FAM135A: variants seen among roughly 807,000 people sequenced by gnomAD.
FAM135A encodes family with sequence similarity 135 member A, also known as protein FAM135A.
A neutral mutation model predicts 146.8 loss-of-function variants in FAM135A; 79 were observed. The ratio of observed to expected loss-of-function variants is 0.54; its 90% CI spans 0.45 to 0.65. The LOEUF is 0.65. FAM135A is among the 30% of genes least tolerant of loss of function. The pLI, the probability that FAM135A is intolerant of heterozygous loss-of-function variation, is 0.00. For missense variants in FAM135A, 1,623 were observed against 1,758.2 expected, an observed-to-expected ratio of 0.92 and a Z score of 1.38; for synonymous variants, 562 against 603.6, an observed-to-expected ratio of 0.93 and a Z score of 1.01.
At chr6:70,538,824 TATTATATTA>T (rs1174004907) in intron 20 of FAM135A, among the ~76,000 whole-genome samples, 1 of 145,502 alleles carries the variant, frequency 6.9e-6, no homozygotes, top group Admixed American at 6.9e-5. Context: ...TATTATATTA[TATTATATTA>T]TATTATATTA....
intron 15 of FAM135A, among the ~76,000 whole-genome samples, chr6:70,527,548 A>G (rs1794999534): frequency 6.6e-6 from 1 of 152,138 alleles, no homozygotes; most frequent in African/African-American, 2.4e-5. Context: ...CTGAGTCATC[A>G]GAAAGCAATG....
At chr6:70,555,885 G>A (rs1800743026) in intron 20 of FAM135A, among the ~76,000 whole-genome samples, 1 of 151,990 alleles carries the variant, frequency 6.6e-6, no homozygotes, top group African/African-American at 2.4e-5. Context: ...ATAATCTAAG[G>A]ATGGCCTTAT....
Position 70,528,443 on chromosome 6 carries a change from G to A in FAM135A, c.3766G>A (p.Gly1256Ser). 3 of 1,597,710 alleles carry A rather than the reference G, an allele frequency of 1.9e-6. No homozygotes were observed. Among genetic ancestry groups the A allele is most frequent in the Non-Finnish European group, 8.5e-7 (1 of 1,174,080 alleles). Residue 1256 changes from glycine to serine, a missense_variant, in exon 16 of 22, where the codon GGT (glycine) becomes AGT (serine). Gly to Ser is a moderately conservative substitution (Grantham distance 56, BLOSUM62 0). Transcript: ENST00000418814. ...AGTACATCTGATTGTCTGTGTGCAC[G>A]GTTTAGATGGTATGTGACATCTATG... The part of the protein sequence containing the change: ...DGVHLIVCVH[G>S]LDGNSADLRL...
chr6:70,435,839 T>A (rs561897306), intron 4 of FAM135A, among the ~76,000 whole-genome samples: 2 of 152,178 alleles, frequency 1.3e-5, no homozygotes, highest in African/African-American at 2.4e-5. Context: ...TTACAACTTT[T>A]GAAAAAAGTG....
intron 11 of FAM135A, among the ~76,000 whole-genome samples, chr6:70,501,822 CTGGGTACCTCA>C (rs1245363332): frequency 1.3e-5 from 2 of 152,204 alleles, no homozygotes; most frequent in African/African-American, 4.8e-5. Flanking sequence ...ATGTGATGAA[CTGGGTACCTCA>C]GTTGGAAATG....
chr6:70,488,857 A>G (rs1401368325), intron 10 of FAM135A, among the ~76,000 whole-genome samples: 2 of 152,140 alleles, frequency 1.3e-5, no homozygotes, highest in Non-Finnish European at 1.5e-5. Flanking sequence ...TATGTTGCTC[A>G]AGGGTCTGTT....
chr6:70,479,160 C>T (rs940372729), intron 8 of FAM135A, among the ~76,000 whole-genome samples: 2 of 152,214 alleles, frequency 1.3e-5, no homozygotes, highest in Admixed American at 1.3e-4. Flanking sequence ...GCAAAATGCA[C>T]AAACAATTCA....
chr6:70,452,974 A>C (rs374009093), intron 5 of FAM135A, among the ~76,000 whole-genome samples: 2 of 152,160 alleles, frequency 1.3e-5, no homozygotes, highest in East Asian at 3.9e-4. Flanking sequence ...TTTCTGGATT[A>C]GGTTCTCTAT....
At chr6:70,548,851 T>A (rs1799307189) in intron 20 of FAM135A, among the ~76,000 whole-genome samples, 1 of 151,810 alleles carries the variant, frequency 6.6e-6, no homozygotes, top group African/African-American at 2.4e-5. Context: ...GTACTGCTGT[T>A]CCTAATACAT....
At chr6:70,490,060 C>T (rs899854582) in intron 10 of FAM135A, among the ~76,000 whole-genome samples, 1 of 152,068 alleles carries the variant, frequency 6.6e-6, no homozygotes, top group Non-Finnish European at 1.5e-5. Context: ...ATTGTGATTG[C>T]TTTTTTAAAC....
intron 20 of FAM135A, among the ~76,000 whole-genome samples, chr6:70,541,587 C>A (rs577176417): frequency 6.6e-6 from 1 of 152,036 alleles, no homozygotes; most frequent in Non-Finnish European, 1.5e-5. Context: ...GTCTTCTGCT[C>A]TTCTCACTCT....
At chr6:70,478,927 T>C (rs1783165320) in intron 8 of FAM135A, among the ~76,000 whole-genome samples, 1 of 152,160 alleles carries the variant, frequency 6.6e-6, no homozygotes, top group African/African-American at 2.4e-5. Context: ...ACAAAGTGTG[T>C]TTTTTGAAAT....
At chr6:70,546,041 G>A (rs890006391) in intron 20 of FAM135A, among the ~76,000 whole-genome samples, 3 of 151,932 alleles carry the variant, frequency 2.0e-5, no homozygotes, top group Admixed American at 6.6e-5. Context: ...GTGGGGTGTT[G>A]GGTTTTGGGG....
At chr6:70,474,096 A>G (rs1782139135) in intron 5 of FAM135A, among the ~76,000 whole-genome samples, 1 of 152,022 alleles carries the variant, frequency 6.6e-6, no homozygotes, top group East Asian at 1.9e-4. Flanking sequence ...ACATCAGGCC[A>G]CCACCCCATG....
chr6:70,526,315 TCAG>T lies in FAM135A; in HGVS notation c.3235_3237del (p.Gln1079del), dbSNP rs1794675737. On this transcript the variant is annotated inframe_deletion, in exon 15 of 22. Coordinates refer to ENST00000418814, the MANE Select transcript of FAM135A (RefSeq NM_001162529.3). ...CTTCTGAAAAAGAAATTAGTAATCT[TCAG>T]CAGGAACAGGATAAAGAGGATGAGG... 6.2e-7 allele frequency: 1 copy of T among 1,613,288 alleles called. No individual in the cohort carries two copies. Among genetic ancestry groups the T allele is most frequent in the African/African-American group, 1.3e-5 (1 of 74,998 alleles).
In FAM135A at chr6:70,526,637, T is replaced by A. The variant is rs369816056; in HGVS notation, c.3553T>A (p.Ser1185Thr). The A allele has an allele frequency of 6.2e-7, 1 of 1,610,814 alleles. No homozygotes were observed. Among genetic ancestry groups the A allele is most frequent in the Non-Finnish European group, 8.5e-7 (1 of 1,179,002 alleles). The change falls in exon 15 of 22, where the codon TCT (serine) becomes ACT (threonine). Residue 1185 changes from serine to threonine, a missense_variant. Physicochemically the swap from Ser to Thr is moderately conservative, Grantham distance 58. Coordinates refer to ENST00000418814, the MANE Select transcript of FAM135A (RefSeq NM_001162529.3). ...CATTACAAAGCAGCCAAGCAGTACT[T>A]CTTACAACTTCACTTCTTCGATTTC... ...DAITKQPSST[S>T]YNFTSSISWY...
At chr6:70,425,537 ACT>A (rs1045824109) in intron 2 of FAM135A, among the ~76,000 whole-genome samples, 5 of 152,142 alleles carry the variant, frequency 3.3e-5, no homozygotes, top group East Asian at 3.9e-4. Flanking sequence ...GAGAAGAAAA[ACT>A]CTGTATCAAA....
intron 4 of FAM135A, among the ~76,000 whole-genome samples, chr6:70,451,869 A>G (rs75175495): frequency 0.13 from 19,095 of 151,912 alleles, 1,475 homozygotes; most frequent in Middle Eastern, 0.19. Context: ...TTGCAGTGTG[A>G]TGATGTTATA....
chr6:70,448,893 C>A (rs1178297060), intron 4 of FAM135A, among the ~76,000 whole-genome samples: 1 of 152,176 alleles, frequency 6.6e-6, no homozygotes, highest in Non-Finnish European at 1.5e-5. Context: ...GTTTTCTGCC[C>A]TGGGTGGGCC....
Sources: gnomAD v4.1 joint callset for allele counts (sites outside exome capture counted in the v4.1 genomes callset) on GRCh38, gnomAD v4.1.1 for gene constraint, MANE v1.5 for transcripts, NCBI Gene and HGNC (gene_info 2026-07-23, HGNC 2026-07-21) for gene names.